Variants in COLGALT2 observed in about 807,000 individuals in gnomAD.
The protein encoded by COLGALT2 is procollagen galactosyltransferase 2.
A neutral mutation model predicts 73.4 loss-of-function variants in COLGALT2; 49 were observed. The ratio of observed to expected loss-of-function variants is 0.67; its 90% confidence interval spans 0.53 to 0.85. The LOEUF is 0.85. Ranked by LOEUF, COLGALT2 falls within the 40% of genes least tolerant of loss-of-function variation. The pLI, the probability that COLGALT2 is intolerant of heterozygous loss-of-function variation, is 0.00. For synonymous variants in COLGALT2, 295 were observed against 307.6 expected (o/e 0.96, Z 0.43); for missense variants, 722 against 790.2 (o/e 0.91, Z 1.03).
At chr1:183,990,631 T>C (rs1407348547) in intron 1 of COLGALT2, among the ~76,000 whole-genome samples, 2 of 152,178 alleles carry the variant, frequency 1.3e-5, no homozygotes, top group Admixed American at 6.5e-5. Flanking sequence ...GAGGCTTGAA[T>C]TGGGATTTGA....
intron 5 of COLGALT2, among the ~76,000 whole-genome samples, chr1:183,965,455 G>A (rs1415238548): frequency 1.3e-5 from 2 of 152,166 alleles, no homozygotes; most frequent in African/African-American, 4.8e-5. Context: ...GCTGGATGAT[G>A]TGAGAGAAGG....
intron 5 of COLGALT2, among the ~76,000 whole-genome samples, chr1:183,967,530 C>G (rs1435697414): frequency 6.6e-6 from 1 of 152,240 alleles, no homozygotes; most frequent in African/African-American, 2.4e-5. Flanking sequence ...TGAAAAATTC[C>G]TGCTTAACCT....
At chr1:184,017,396 T>C (rs566741760) in intron 1 of COLGALT2, among the ~76,000 whole-genome samples, 11 of 152,196 alleles carry the variant, frequency 7.2e-5, no homozygotes, top group Non-Finnish European at 1.3e-4. Flanking sequence ...GTTTCAATTG[T>C]TGTTTCTCCT....
chr1:183,934,115 G>T (rs867116411), downstream of COLGALT2, among the ~76,000 whole-genome samples: 1 of 152,100 alleles, frequency 6.6e-6, no homozygotes, highest in South Asian at 2.1e-4. Flanking sequence ...AAGTTTAATG[G>T]AGCCATTCCA....
At chr1:183,972,962 G>A (rs1410118279) in intron 4 of COLGALT2, among the ~76,000 whole-genome samples, 2 of 152,178 alleles carry the variant, frequency 1.3e-5, no homozygotes, top group South Asian at 2.1e-4. Context: ...GCCTCCCAAA[G>A]TGCTGGGATC....
chr1:183,991,439 T>C (rs1671625910), intron 1 of COLGALT2, among the ~76,000 whole-genome samples: 1 of 152,190 alleles, frequency 6.6e-6, no homozygotes, highest in South Asian at 2.1e-4. Context: ...AGAGAAAAAG[T>C]ATAAATTTAC....
chr1:183,976,846 T>A (rs545704297), intron 2 of COLGALT2, among the ~76,000 whole-genome samples: 1 of 152,312 alleles, frequency 6.6e-6, no homozygotes, highest in African/African-American at 2.4e-5. Context: ...AGGTAGATAT[T>A]TATAACTGAG....
chr1:183,933,739 C>CCCATCAA (rs761633236), downstream of COLGALT2, among the ~76,000 whole-genome samples: 1,895 of 152,338 alleles, frequency 0.012, 26 homozygotes, highest in South Asian at 0.047. Flanking sequence ...AAAGCCTTGC[C>CCCATCAA]AGGTCCATGG....
At position 184,037,335 on chromosome 1, in the gene COLGALT2, G is replaced by T; in HGVS notation, c.23C>A (p.Thr8Asn). ...GAGGAGCAGTAGCGACCAGGCGAGG[G>T]TGGCAGCAGGGCGCGCAGCCATGTT... is the stretch of plus-strand genomic sequence containing the variant. MAARPAATLAWSLLLLSS... is the reference protein window; with the variant it reads MAARPAANLAWSLLLLSS... The change falls in exon 1 of 12, where the codon ACC becomes AAC. Residue 8 changes from threonine (T) to asparagine (N), a missense_variant. Physicochemically the swap from Thr to Asn is moderately conservative, Grantham distance 65. Transcript: ENST00000361927. 6.7e-7 allele frequency: 1 copy of T among 1,491,906 alleles called. No individual in the cohort carries two copies. The allele number at this position is 1,491,906 out of a possible 1,614,324, so 92.4% of individuals were successfully genotyped here. A position where few individuals can be genotyped will look rare whatever the true frequency, so the allele number is the denominator to read the frequency against.
At chr1:184,012,107 T>C (rs911552641) in intron 1 of COLGALT2, among the ~76,000 whole-genome samples, 1 of 152,316 alleles carries the variant, frequency 6.6e-6, no homozygotes, top group Non-Finnish European at 1.5e-5. Flanking sequence ...AATAGAGTTT[T>C]CCCACAATCT....
intron 1 of COLGALT2, among the ~76,000 whole-genome samples, chr1:184,002,031 A>T (rs2102839532): frequency 6.6e-6 from 1 of 152,302 alleles, no homozygotes; most frequent in South Asian, 2.1e-4. Flanking sequence ...CCTTGCTCCT[A>T]TTTTATCTTC....
intron 1 of COLGALT2, among the ~76,000 whole-genome samples, chr1:184,013,511 A>G (rs1175068907): frequency 6.6e-6 from 1 of 152,152 alleles, no homozygotes; most frequent in Non-Finnish European, 1.5e-5. Flanking sequence ...GAGGCCAGAG[A>G]GAGTTGTGGC....
chr1:183,948,389 C>T (rs1453892634), intron 8 of COLGALT2, among the ~76,000 whole-genome samples: 2 of 152,076 alleles, frequency 1.3e-5, no homozygotes, highest in East Asian at 1.9e-4. Context: ...CCAAATGGGT[C>T]CCAGGATTAT....
At chr1:183,972,794 A>G (rs1671081452) in intron 4 of COLGALT2, among the ~76,000 whole-genome samples, 1 of 151,860 alleles carries the variant, frequency 6.6e-6, no homozygotes, top group Non-Finnish European at 1.5e-5. Flanking sequence ...CCGCCTCCCA[A>G]GTTCACGCCA....
chr1:183,935,291 G>C (rs778105113), downstream of COLGALT2, among the ~76,000 whole-genome samples: 1 of 152,188 alleles, frequency 6.6e-6, no homozygotes, highest in Admixed American at 6.5e-5. Flanking sequence ...TTGGACTGCG[G>C]GCCCCACACA....
In COLGALT2 at chr1:184,037,221, G is replaced by T; in HGVS notation, c.137C>A (p.Pro46Gln). Residue 46 changes from proline to glutamine, a missense_variant, in exon 1 of 12, where the codon CCG becomes CAG. Coordinates refer to ENST00000361927, the MANE Select transcript of COLGALT2 (RefSeq NM_015101.4). ...EDDGEEPVVF[P>Q]ESPLQSPTVL... ...CGTGGGGCTCTGCAGGGGCGACTCC[G>T]GGAAAACCACCGGCTCCTCTCCGTC... The T allele has an allele frequency of 1.2e-6, 2 of 1,600,992 alleles. No homozygotes were observed. Among genetic ancestry groups the T allele is most frequent in the Non-Finnish European group, 1.7e-6 (2 of 1,175,502 alleles).
intron 1 of COLGALT2, among the ~76,000 whole-genome samples, chr1:183,996,939 G>A (rs545423709): frequency 6.6e-5 from 10 of 152,274 alleles, no homozygotes; most frequent in South Asian, 2.1e-4. Context: ...AAAGAATTTC[G>A]ATGGTATAGT....
At chr1:183,932,532 C>T (rs1669868623), downstream of COLGALT2, among the ~76,000 whole-genome samples, 1 of 152,114 alleles carries the variant, frequency 6.6e-6, no homozygotes, top group Non-Finnish European at 1.5e-5. Flanking sequence ...GGGGCTTCCA[C>T]GTGTGGAACG....
chr1:183,968,737 T>C (rs948418349), intron 5 of COLGALT2, among the ~76,000 whole-genome samples: 3 of 152,134 alleles, frequency 2.0e-5, no homozygotes, highest in Non-Finnish European at 4.4e-5. Flanking sequence ...AACGCATCCA[T>C]GGTGGTGAGA....
Sources: gnomAD v4.1 joint callset for allele counts (sites outside exome capture counted in the v4.1 genomes callset) on GRCh38, gnomAD v4.1.1 for gene constraint, MANE v1.5 for transcripts, NCBI Gene and HGNC (gene_info 2026-07-23, HGNC 2026-07-21) for gene names.